IQGAP1: variants seen among roughly 807,000 people sequenced by gnomAD.
IQGAP1 encodes the protein IQ motif containing GTPase activating protein 1.
In IQGAP1, 66 loss-of-function variants were observed where a neutral mutation model predicts 215.6. The observed-to-expected ratio is 0.31, with a 90% CI of 0.25 to 0.38. The LOEUF is 0.38. Among genes scored for constraint, IQGAP1 ranks in the 10% least tolerant of loss-of-function variants. The pLI, the probability that IQGAP1 is intolerant of heterozygous loss-of-function variation, is 1.00. For missense variants in IQGAP1, 1,712 were observed against 1,997.1 expected (o/e 0.86, Z 2.72); for synonymous variants, 772 against 728.7 (o/e 1.06, Z -0.96).
At chr15:90,426,074 C>T in intron 2 of IQGAP1, 36 bp from the exon 3 acceptor site, 3 of 1,570,336 alleles carry the variant, frequency 1.9e-6, no homozygotes, top group African/African-American at 1.4e-5. Flanking sequence ...TCTGACCTTC[C>T]CTTTCTTTTT....
chr15:90,461,589 G>A (rs1339778008), intron 15 of IQGAP1, among the ~76,000 whole-genome samples: 1 of 151,974 alleles, frequency 6.6e-6, no homozygotes, highest in Non-Finnish European at 1.5e-5. Context: ...CTATAATCCC[G>A]GCACTTTGGG....
intron 10 of IQGAP1, among the ~76,000 whole-genome samples, chr15:90,448,989 C>A (rs927774099): frequency 6.6e-6 from 1 of 152,180 alleles, no homozygotes; most frequent in African/African-American, 2.4e-5. Context: ...ATCACTCCTT[C>A]ACTTCAGCTG....
intron 9 of IQGAP1, among the ~76,000 whole-genome samples, chr15:90,445,657 A>G (rs1342354735): frequency 6.6e-6 from 1 of 152,228 alleles, no homozygotes; most frequent in East Asian, 1.9e-4. Flanking sequence ...ATTTCAACCA[A>G]CTAGGTCAGG....
chr15:90,419,422 T>G (rs1182787593), intron 2 of IQGAP1, among the ~76,000 whole-genome samples: 1 of 152,230 alleles, frequency 6.6e-6, no homozygotes, highest in African/African-American at 2.4e-5. Flanking sequence ...GTTTAGTACT[T>G]GTGTTTCAGA....
chr15:90,473,191 T>C (rs1361418371), intron 19 of IQGAP1, 181 bp downstream of exon 19: 1 of 585,208 alleles, frequency 1.7e-6, no homozygotes, highest in African/African-American at 1.9e-5. Flanking sequence ...TACAGGTGTT[T>C]AATGCTGGCA....
chr15:90,431,615 A>G (rs1892849583), intron 4 of IQGAP1, among the ~76,000 whole-genome samples: 1 of 152,212 alleles, frequency 6.6e-6, no homozygotes, highest in Non-Finnish European at 1.5e-5. Context: ...ATTGCAACAA[A>G]CACAGAATGT....
In IQGAP1 at chr15:90,491,386, A is replaced by G; in HGVS notation, c.4302A>G (p.Thr1434=). Residue 1434 remains threonine, a synonymous_variant, in exon 34 of 38, where the codon ACA becomes ACG. Coordinates refer to ENST00000268182, the MANE Select transcript of IQGAP1 (RefSeq NM_003870.4). ...GACGTGCTATCCGTGATGCCAAAAC[A>G]CCTGACAAGATGAAAAAGTCAAAAT... ...MQRRAIRDAK[T]PDKMKKSKSV... is the part of the protein sequence containing the mutation. 3.7e-6 allele frequency: 6 copies of G among 1,614,188 alleles called. No homozygotes were observed. Among genetic ancestry groups the G allele is most frequent in the Non-Finnish European group, 5.1e-6 (6 of 1,180,036 alleles).
intron 2 of IQGAP1, among the ~76,000 whole-genome samples, chr15:90,402,610 G>T (rs1360321473): frequency 6.6e-6 from 1 of 152,158 alleles, no homozygotes; most frequent in African/African-American, 2.4e-5. Flanking sequence ...ACTCTGATAG[G>T]TATTTATTCA....
chr15:90,487,879 C>T lies in IQGAP1; in HGVS notation c.4248+297C>T, dbSNP rs982202027. Among the ~76,000 whole-genome samples the T allele has an allele frequency of 3.9e-5, 6 of 152,170 alleles. No homozygotes were observed. The South Asian group carries it at 8.3e-4, about 21-fold the overall frequency. On this transcript the variant is annotated intron_variant, in intron 33 of 37. Transcript: ENST00000268182. ...TTCTTTCCAGCACCCATTCTCCCCACCCCCGGCCAATACCAAAATCCATAG... is the reference window on the plus strand; with the variant it reads ...TTCTTTCCAGCACCCATTCTCCCCATCCCCGGCCAATACCAAAATCCATAG...
chr15:90,483,641 T>TA lies in IQGAP1; in HGVS notation c.3788+49dup, dbSNP rs752795928. On this transcript the variant is annotated intron_variant, in intron 29 of 37. Transcript: ENST00000268182. The stretch of plus-strand genomic sequence containing the variant: ...TTAAGAGAGTCTGTGGATGTATTTT[T>TA]ATTGTTGAGGGGAAAAATAAGATTA... 36 of 1,340,872 alleles carry TA rather than the reference T, an allele frequency of 2.7e-5. No individual in the cohort carries two copies. The South Asian group carries it at 3.5e-4, about 13-fold the overall frequency. 83.1% of individuals were successfully genotyped at this position (1,340,872 alleles called of 1,614,324 possible).
chr15:90,486,561 T>TG lies in IQGAP1; in HGVS notation c.4025-393_4025-392insG, dbSNP rs913412037. On this transcript the variant is annotated intron_variant, in intron 31 of 37. Transcript: ENST00000268182. ...GGCTCAAGTGATCCTCCTGAGTTGT[T>TG]TTTTTTTTTTTTAATAGAGATGGAG... The TG allele has an allele frequency of 4.1e-4, 69 of 168,092 alleles. No homozygotes were observed. In the South Asian group the frequency reaches 8.2e-3, roughly 20 times the overall value. 10.4% of individuals were successfully genotyped at this position (168,092 alleles called of 1,614,324 possible).
intron 11 of IQGAP1, among the ~76,000 whole-genome samples, chr15:90,451,380 C>A (rs1193927084): frequency 6.6e-6 from 1 of 152,156 alleles, no homozygotes; most frequent in African/African-American, 2.4e-5. Flanking sequence ...AGGAGAAGAT[C>A]AAAGGGCAAG....
At chr15:90,397,510 C>CTTTTTTTTT (rs892748490) in intron 2 of IQGAP1, among the ~76,000 whole-genome samples, 1 of 106,404 alleles carries the variant, frequency 9.4e-6, no homozygotes, top group Non-Finnish European at 1.8e-5. Context: ...ACTCAACAAA[C>CTTTTTTTTT]TTTTTTTTTT....
Position 90,479,747 on chromosome 15 carries a change from G to A in IQGAP1, c.3329+1858G>A, listed in dbSNP as rs909891713. On this transcript the variant is annotated intron_variant, in intron 26 of 37. Coordinates refer to ENST00000268182, the MANE Select transcript of IQGAP1 (RefSeq NM_003870.4). Reference sequence around the variant, plus strand: ...GTTGACAAAAAAAGAAAGAAGGGGCGTTTCCTTATTAGGAATCATTTGGCA... The same window carrying A: ...GTTGACAAAAAAAGAAAGAAGGGGCATTTCCTTATTAGGAATCATTTGGCA... Among the ~76,000 whole-genome samples the A allele has an allele frequency of 4.6e-5, 7 of 151,834 alleles. No homozygotes were observed. The South Asian group carries it at 1.3e-3, about 27-fold the overall frequency.
At chr15:90,413,948 G>A (rs939137254) in intron 2 of IQGAP1, among the ~76,000 whole-genome samples, 4 of 152,096 alleles carry the variant, frequency 2.6e-5, no homozygotes, top group Admixed American at 6.5e-5. Flanking sequence ...GCTGGCTGCC[G>A]CCTCTGCTCT....
chr15:90,399,446 A>T (rs1047216889), intron 2 of IQGAP1, among the ~76,000 whole-genome samples: 3 of 152,158 alleles, frequency 2.0e-5, no homozygotes, highest in African/African-American at 7.2e-5. Context: ...CATGATGTTA[A>T]CTTTTGTGAG....
intron 26 of IQGAP1, among the ~76,000 whole-genome samples, chr15:90,479,921 A>G (rs1966033435): frequency 6.6e-6 from 1 of 152,130 alleles, no homozygotes; most frequent in Non-Finnish European, 1.5e-5. Flanking sequence ...TTTTGCCTGC[A>G]ACCCAGGGCA....
At chr15:90,485,134 C>T (rs1266458776) in intron 30 of IQGAP1, among the ~76,000 whole-genome samples, 2 of 152,016 alleles carry the variant, frequency 1.3e-5, no homozygotes, top group Non-Finnish European at 2.9e-5. Flanking sequence ...ATTTTTTCCC[C>T]TCTGGGGACA....
intron 1 of IQGAP1, among the ~76,000 whole-genome samples, chr15:90,389,373 C>G (rs75555786): frequency 0.02 from 2,536 of 128,466 alleles, 56 homozygotes; most frequent in East Asian, 0.12. Flanking sequence ...GACAGGGGGT[C>G]TTGCTCTGGT....
Sources: allele counts gnomAD v4.1 joint callset (sites outside exome capture counted in the v4.1 genomes callset), GRCh38; gene constraint gnomAD v4.1.1; transcripts MANE v1.5; gene names NCBI Gene and HGNC (gene_info 2026-07-23, HGNC 2026-07-21).